Variants in RBMS3 observed in about 807,000 individuals in gnomAD.
RBMS3 encodes RNA-binding motif, single-stranded-interacting protein 3.
A neutral mutation model predicts 66.8 loss-of-function variants in RBMS3; 27 were observed. The observed-to-expected ratio is 0.40, with a 90% CI of 0.30 to 0.56. The LOEUF is 0.56. Ranked by LOEUF, RBMS3 falls within the 20% of genes least tolerant of loss-of-function variation. The pLI is 0.40. For missense variants in RBMS3, 513 were observed against 549.5 expected (o/e 0.93, Z 0.66); for synonymous variants, 188 against 183.0 (o/e 1.03, Z -0.22).
chr3:29,770,755 C>T (rs374560261), intron 6 of RBMS3, among the ~76,000 whole-genome samples: 1 of 152,106 alleles, frequency 6.6e-6, no homozygotes, highest in Admixed American at 6.6e-5. Context: ...CATTTAGTGT[C>T]TGTCCGGATG....
intron 2 of RBMS3, among the ~76,000 whole-genome samples, chr3:29,465,177 A>T (rs2042495488): frequency 6.6e-6 from 1 of 152,240 alleles, no homozygotes; most frequent in Admixed American, 6.5e-5. Flanking sequence ...AGAAAGTGGA[A>T]AATGTGAATC....
intron 10 of RBMS3, among the ~76,000 whole-genome samples, chr3:29,912,033 GATGA>G (rs1284533430): frequency 6.6e-6 from 1 of 151,978 alleles, no homozygotes; most frequent in Non-Finnish European, 1.5e-5. Flanking sequence ...GTGGATAGAT[GATGA>G]ATGAATGGAT....
chr3:29,998,068 A>T (rs1359779111), intron 14 of RBMS3, among the ~76,000 whole-genome samples: 1 of 152,238 alleles, frequency 6.6e-6, no homozygotes, highest in Non-Finnish European at 1.5e-5. Flanking sequence ...AACTTCAGCA[A>T]AGTCTCAGGA....
chr3:29,601,591 A>G (rs1399798784), intron 4 of RBMS3, among the ~76,000 whole-genome samples: 8 of 152,074 alleles, frequency 5.3e-5, no homozygotes, highest in African/African-American at 1.7e-4. Context: ...GTTTGCCTTA[A>G]TAAAATATTG....
At chr3:29,425,110 G>A (rs540503858) in intron 1 of RBMS3, among the ~76,000 whole-genome samples, 4 of 150,296 alleles carry the variant, frequency 2.7e-5, no homozygotes, top group East Asian at 2.0e-4. Context: ...TTGGGAGGCC[G>A]AGGTGGGCGG....
At chr3:29,769,673 T>G (rs557184779) in intron 6 of RBMS3, among the ~76,000 whole-genome samples, 1 of 152,038 alleles carries the variant, frequency 6.6e-6, no homozygotes, top group African/African-American at 2.4e-5. Flanking sequence ...TTTTCATTTT[T>G]TGTAGCTCAA....
intron 1 of RBMS3, among the ~76,000 whole-genome samples, chr3:29,288,033 T>C (rs1192333542): frequency 6.6e-6 from 1 of 152,034 alleles, no homozygotes; most frequent in African/African-American, 2.4e-5. Flanking sequence ...CGAATAAAAT[T>C]TTAATAATTC....
chr3:29,714,461 T>C (rs2053306970), intron 4 of RBMS3, among the ~76,000 whole-genome samples: 1 of 152,094 alleles, frequency 6.6e-6, no homozygotes, highest in African/African-American at 2.4e-5. Context: ...AAATGTTGAA[T>C]AGACAGCCAC....
rs1210630648 is a variant in RBMS3, at chr3:30,005,387, G to C, written c.*1525G>C. Reference sequence around the variant, plus strand: ...TTTCTCACTAGCTGTCTTGAATAGTGAAACCTGTATTGATGGCCACTAGTA... The same window carrying C: ...TTTCTCACTAGCTGTCTTGAATAGTCAAACCTGTATTGATGGCCACTAGTA... On this transcript the variant is annotated 3_prime_UTR_variant, in exon 15 of 15. Coordinates refer to ENST00000383767, the MANE Select transcript of RBMS3 (RefSeq NM_001003793.3). 1 of 151,792 alleles carries C rather than the reference G, an allele frequency of 6.6e-6. No homozygotes were observed. The highest frequency in any genetic ancestry group is 2.4e-5 in the African/African-American group (1 of 41,392). The allele number at this position is 151,792 out of a possible 1,614,324, so 9.4% of individuals were successfully genotyped here. A position where few individuals can be genotyped will look rare whatever the true frequency, so the allele number is the denominator to read the frequency against.
chr3:29,397,256 G>A (rs1193931751), intron 1 of RBMS3, among the ~76,000 whole-genome samples: 1 of 152,088 alleles, frequency 6.6e-6, no homozygotes, highest in Non-Finnish European at 1.5e-5. Flanking sequence ...TGAGCTTCTG[G>A]ATATATGGTT....
chr3:29,282,748 C>T (rs911807924), intron 1 of RBMS3, among the ~76,000 whole-genome samples: 4 of 151,938 alleles, frequency 2.6e-5, no homozygotes, highest in African/African-American at 7.3e-5. Flanking sequence ...ATAAATATGC[C>T]GAGAGTGAAC....
At chr3:29,628,982 A>C (rs1360853276) in intron 4 of RBMS3, among the ~76,000 whole-genome samples, 1 of 152,062 alleles carries the variant, frequency 6.6e-6, no homozygotes, top group Admixed American at 6.6e-5. Context: ...GCTTGGAAGG[A>C]TGCTCTACCG....
At chr3:29,467,233 C>T (rs561386755) in intron 2 of RBMS3, among the ~76,000 whole-genome samples, 1 of 152,194 alleles carries the variant, frequency 6.6e-6, no homozygotes, top group East Asian at 1.9e-4. Context: ...TGTACAAAAT[C>T]ATGCAAAAGG....
intron 12 of RBMS3, among the ~76,000 whole-genome samples, chr3:29,956,012 A>G (rs74754560): frequency 0.01 from 1,537 of 152,196 alleles, 19 homozygotes; most frequent in African/African-American, 0.034. Context: ...AAATTCTGGA[A>G]ATGGAAATGA....
At chr3:29,616,214 G>A (rs971569876) in intron 4 of RBMS3, 2 of 152,218 alleles carry the variant, frequency 1.3e-5, no homozygotes, top group Non-Finnish European at 2.9e-5. Flanking sequence ...TGCCCGGGCG[G>A]GGTGGCTCAC....
intron 7 of RBMS3, among the ~76,000 whole-genome samples, chr3:29,880,401 T>C (rs2059709022): frequency 6.6e-6 from 1 of 152,226 alleles, no homozygotes; most frequent in Non-Finnish European, 1.5e-5. Context: ...CAAGGTATTT[T>C]ACTTTTTGTG....
intron 1 of RBMS3, among the ~76,000 whole-genome samples, chr3:29,322,795 T>G (rs1052563318): frequency 6.6e-6 from 1 of 152,124 alleles, no homozygotes; most frequent in African/African-American, 2.4e-5. Context: ...TATAAATGAT[T>G]GACAGAAGCT....
chr3:29,996,405 G>A (rs1167955779), intron 14 of RBMS3, among the ~76,000 whole-genome samples: 2 of 149,186 alleles, frequency 1.3e-5, no homozygotes, highest in Non-Finnish European at 3.0e-5. Flanking sequence ...ACTCAGCTCT[G>A]CACCAAGCGG....
chr3:29,626,004 T>C (rs1168910922), intron 4 of RBMS3, among the ~76,000 whole-genome samples: 1 of 152,298 alleles, frequency 6.6e-6, no homozygotes, highest in East Asian at 1.9e-4. Context: ...TTACTAATTT[T>C]AGTGGCAACC....
Sources: allele counts gnomAD v4.1 joint callset (sites outside exome capture counted in the v4.1 genomes callset), GRCh38; gene constraint gnomAD v4.1.1; transcripts MANE v1.5; gene names NCBI Gene and HGNC (gene_info 2026-07-23, HGNC 2026-07-21).